Variants in PAPPA2 observed in about 807,000 individuals in gnomAD.
PAPPA2 encodes pappalysin-2.
A neutral mutation model predicts 176.4 loss-of-function variants in PAPPA2; 86 were observed. That is an observed-to-expected ratio of 0.49 (90% CI 0.41 to 0.58). The LOEUF is 0.58. Among genes scored for constraint, PAPPA2 ranks in the 20% least tolerant of loss-of-function variants. The pLI, the probability that PAPPA2 is intolerant of heterozygous loss-of-function variation, is 0.00. For missense variants in PAPPA2, 2,073 were observed against 2,256.9 expected, an observed-to-expected ratio of 0.92 and a Z score of 1.65; for synonymous variants, 809 against 852.2, an observed-to-expected ratio of 0.95 and a Z score of 0.88.
rs137938631 is a variant in PAPPA2 at position 176,469,655 on chromosome 1, T to G, written c.-917+6237T>G. On this transcript the variant is annotated intron_variant, in intron 1 of 22. Transcript: ENST00000367662. ...TTTACTGGCAACTGGCCTCAGTGAC[T>G]GCTTTTGATAACATCCACTGGGCCA... Among the ~76,000 whole-genome samples the G allele has an allele frequency of 1.2e-4, 19 of 152,342 alleles. 1 individual carries two copies. The highest frequency in any genetic ancestry group is 4.3e-4 in the African/African-American group (18 of 41,588).
intron 1 of PAPPA2, among the ~76,000 whole-genome samples, chr1:176,501,574 A>G (rs1647965609): frequency 6.6e-6 from 1 of 152,204 alleles, no homozygotes; most frequent in Non-Finnish European, 1.5e-5. Context: ...CACTTGTAAG[A>G]CCTTTTCTCT....
At chr1:176,510,776 C>A (rs1648553313) in intron 1 of PAPPA2, among the ~76,000 whole-genome samples, 2 of 139,402 alleles carry the variant, frequency 1.4e-5, no homozygotes, top group South Asian at 2.4e-4. Context: ...CTGAGATAAG[C>A]TAAAATGTAT....
chr1:176,706,730 G>C (rs540067629), intron 10 of PAPPA2, among the ~76,000 whole-genome samples: 29 of 152,260 alleles, frequency 1.9e-4, no homozygotes, highest in Admixed American at 5.9e-4. Flanking sequence ...TACAGCTCTA[G>C]AATCTGCGTG....
At chr1:176,524,000 A>G (rs771006225) in intron 1 of PAPPA2, among the ~76,000 whole-genome samples, 1 of 152,164 alleles carries the variant, frequency 6.6e-6, no homozygotes, top group Non-Finnish European at 1.5e-5. Flanking sequence ...AGACCCTGTA[A>G]TATATCAAAG....
intron 21 of PAPPA2, among the ~76,000 whole-genome samples, chr1:176,817,019 A>T (rs952649149): frequency 6.6e-6 from 1 of 152,158 alleles, no homozygotes; most frequent in Admixed American, 6.5e-5. Flanking sequence ...AAAGGTAATC[A>T]ATAGAAAGCA....
At chr1:176,736,724 G>A (rs1003318474) in intron 12 of PAPPA2, among the ~76,000 whole-genome samples, 1 of 150,636 alleles carries the variant, frequency 6.6e-6, no homozygotes, top group Non-Finnish European at 1.5e-5. Flanking sequence ...CTTATGTACA[G>A]CAAAAGTAGA....
Position 176,728,824 on chromosome 1 carries a change from A to G in PAPPA2, c.3799-10802A>G, listed in dbSNP as rs181529692. Among the ~76,000 whole-genome samples the G allele has an allele frequency of 7.9e-5, 12 of 152,114 alleles. No homozygotes were observed. The East Asian group carries it at 9.6e-4, about 12-fold the overall frequency. ...GAAGTTCAGAAGTATGCCCAAACAT[A>G]TATACATAAATGTAGACTTAACCTT... On this transcript the variant is annotated intron_variant, in intron 12 of 22. Coordinates refer to ENST00000367662, the MANE Select transcript of PAPPA2 (RefSeq NM_020318.3).
chr1:176,645,907 C>G (rs1027501655), intron 3 of PAPPA2, among the ~76,000 whole-genome samples: 1 of 151,448 alleles, frequency 6.6e-6, no homozygotes, highest in Admixed American at 6.6e-5. Context: ...AAGGTTTATT[C>G]CGGTTTTTTG....
chr1:176,777,395 T>A (rs921169349), intron 17 of PAPPA2, among the ~76,000 whole-genome samples: 2 of 152,174 alleles, frequency 1.3e-5, no homozygotes, highest in Non-Finnish European at 2.9e-5. Context: ...TTGTTTTCCA[T>A]TCACATTCAA....
chr1:176,496,016 C>T (rs1418235761), intron 1 of PAPPA2, among the ~76,000 whole-genome samples: 2 of 152,120 alleles, frequency 1.3e-5, no homozygotes, highest in Admixed American at 1.3e-4. Context: ...ACTAATGTTT[C>T]TGTAGTCACT....
intron 12 of PAPPA2, among the ~76,000 whole-genome samples, chr1:176,725,095 C>T (rs1449330230): frequency 1.3e-5 from 2 of 152,184 alleles, no homozygotes; most frequent in African/African-American, 2.4e-5. Flanking sequence ...ACTACTACTT[C>T]CGTTAGCATG....
chr1:176,624,250 T>C (rs1056694776), intron 3 of PAPPA2, among the ~76,000 whole-genome samples: 2 of 152,188 alleles, frequency 1.3e-5, no homozygotes, highest in Non-Finnish European at 2.9e-5. Flanking sequence ...AATACACCCA[T>C]TAAAATTGCT....
At chr1:176,666,154 T>C (rs949826233) in intron 3 of PAPPA2, among the ~76,000 whole-genome samples, 2 of 152,162 alleles carry the variant, frequency 1.3e-5, no homozygotes, top group Non-Finnish European at 2.9e-5. Context: ...CTGAGAATCG[T>C]TGGTCTCTAA....
chr1:176,829,102 A>G (rs1251734342), intron 21 of PAPPA2, among the ~76,000 whole-genome samples: 4 of 152,214 alleles, frequency 2.6e-5, no homozygotes, highest in East Asian at 1.9e-4. Flanking sequence ...AAACACTTTC[A>G]TCTTTGTAAA....
At chr1:176,801,181 C>G (rs1665670157) in intron 21 of PAPPA2, among the ~76,000 whole-genome samples, 1 of 151,792 alleles carries the variant, frequency 6.6e-6, no homozygotes, top group Non-Finnish European at 1.5e-5. Flanking sequence ...ATTCTCGTCT[C>G]AGTCACAACA....
intron 11 of PAPPA2, 75 bp from the exon 12 acceptor site, chr1:176,711,760 G>A (rs1661155634): frequency 6.7e-7 from 1 of 1,482,834 alleles, no homozygotes; most frequent in South Asian, 1.2e-5. Flanking sequence ...TTTGCTTTGA[G>A]CTGGAGAGTT....
intron 9 of PAPPA2, among the ~76,000 whole-genome samples, chr1:176,704,874 T>C (rs1660811355): frequency 6.6e-6 from 1 of 152,274 alleles, no homozygotes; most frequent in East Asian, 1.9e-4. Flanking sequence ...TTAGGTAAAA[T>C]ATATTATTAA....
intron 1 of PAPPA2, among the ~76,000 whole-genome samples, chr1:176,480,590 G>A (rs1652347327): frequency 6.6e-6 from 1 of 152,140 alleles, no homozygotes; most frequent in African/African-American, 2.4e-5. Context: ...GGGACATCAT[G>A]AGCACCGGGA....
At position 176,670,295 on chromosome 1, in the gene PAPPA2, C is replaced by T. The variant is rs551169676; in HGVS notation, c.1992-675C>T. On this transcript the variant is annotated intron_variant, in intron 3 of 22. Coordinates refer to ENST00000367662, the MANE Select transcript of PAPPA2 (RefSeq NM_020318.3). ...GTGCATCAATGCAAACATAATATTT[C>T]CTAGTGCTTTCAAAGTCACCAATAA... Among the ~76,000 whole-genome samples the T allele has an allele frequency of 1.1e-4, 16 of 152,216 alleles. No homozygotes were observed. In the East Asian group the frequency reaches 2.5e-3, roughly 24 times the overall value.
Sources: allele counts gnomAD v4.1 joint callset (sites outside exome capture counted in the v4.1 genomes callset), GRCh38; gene constraint gnomAD v4.1.1; transcripts MANE v1.5; gene names NCBI Gene and HGNC (gene_info 2026-07-23, HGNC 2026-07-21).